Variants in PRR14L observed in about 807,000 individuals in gnomAD.
PRR14L encodes the protein protein PRR14L.
In PRR14L, 80 loss-of-function variants were observed where a neutral mutation model predicts 155.0. The observed-to-expected ratio is 0.52, with a 90% CI of 0.43 to 0.62. PRR14L has a LOEUF of 0.62. Among genes scored for constraint, PRR14L ranks in the 20% least tolerant of loss-of-function variants. PRR14L has a pLI of 0.00. For missense variants in PRR14L, 2,469 were observed against 2,548.0 expected (o/e 0.97, Z 0.67); for synonymous variants, 883 against 916.0 (o/e 0.96, Z 0.65).
chr22:31,724,544 G>T (rs1746376499), intron 3 of PRR14L, among the ~76,000 whole-genome samples: 1 of 151,404 alleles, frequency 6.6e-6, no homozygotes, highest in Non-Finnish European at 1.5e-5. Context: ...GGGACCACAG[G>T]TGTGTGTGCT....
In PRR14L at chr22:31,716,183, T is replaced by G; in HGVS notation, c.1656A>C (p.Glu552Asp). ...ATGCTTCATTTAACTGGGTGTTGCC[T>G]TCCAGATTTCTCTGGATGCTGACTA... is the stretch of plus-strand genomic sequence containing the variant. ...NSLVSIQRNL[E>D]GNTQLNEASC... The change falls in exon 4 of 9, where the codon GAA becomes GAC. Residue 552 changes from glutamate to aspartate, a missense_variant. Physicochemically the swap from Glu to Asp is conservative, Grantham distance 45. Transcript: ENST00000327423. The G allele has an allele frequency of 5.2e-6, 8 of 1,551,538 alleles. No individual in the cohort carries two copies. Among genetic ancestry groups the G allele is most frequent in the Non-Finnish European group, 7.0e-6 (8 of 1,146,916 alleles).
chr22:31,742,938 T>C (rs1057089820), intron 1 of PRR14L, among the ~76,000 whole-genome samples: 5 of 152,144 alleles, frequency 3.3e-5, no homozygotes, highest in Non-Finnish European at 5.9e-5. Flanking sequence ...CTTGAAGACA[T>C]TATGCTAAGT....
rs199831991 is a variant in PRR14L, at chr22:31,719,433, AAG to A, written c.548-2144_548-2143del. On this transcript the variant is annotated intron_variant, in intron 3 of 8. Coordinates refer to ENST00000327423, the MANE Select transcript of PRR14L (RefSeq NM_173566.3). ...TGTCTCAAAAAAAAGAAAAAAAAAA[AAG>A]AACAAAAAATCTAAAATCTAATTCT... Among the ~76,000 whole-genome samples, 725 of 152,152 alleles carry A rather than the reference AAG, an allele frequency of 4.8e-3. 4 individuals carry two copies. The highest frequency in any genetic ancestry group is 0.017 in the African/African-American group (688 of 41,528).
intron 1 of PRR14L, 75 bp from the exon 2 acceptor site, chr22:31,738,986 G>T: frequency 1.6e-6 from 1 of 624,104 alleles, no homozygotes; most frequent in South Asian, 2.5e-5. Context: ...AGTTCAAACC[G>T]GCTACAACGA....
Position 31,715,560 on chromosome 22 carries a change from G to C in PRR14L, c.2279C>G (p.Ser760Ter), listed in dbSNP as rs1304636175. The stretch of plus-strand genomic sequence containing the variant: ...AAAGCCAGCTGCTTCTCTCTTATTT[G>C]AGCGCAGCCTGGAATGTAGAGCTTT... ...GTKALHSRLR[S>*]NKREAAGFPQ... Residue 760 changes from serine to a stop codon, truncating the protein, a stop_gained, in exon 4 of 9, where the codon TCA (serine) becomes TGA (stop). Transcript: ENST00000327423. LOFTEE classifies it high-confidence loss of function. The C allele has an allele frequency of 6.4e-7, 1 of 1,551,948 alleles. No individual in the cohort carries two copies. Among genetic ancestry groups the C allele is most frequent in the Non-Finnish European group, 8.7e-7 (1 of 1,147,072 alleles).
chr22:31,742,951 A>G (rs1429472965), intron 1 of PRR14L, among the ~76,000 whole-genome samples: 3 of 152,238 alleles, frequency 2.0e-5, no homozygotes, highest in African/African-American at 7.2e-5. Flanking sequence ...TGCTAAGTGA[A>G]AGAAGCCAGT....
At chr22:31,693,438 A>G (rs559157407) in intron 7 of PRR14L, among the ~76,000 whole-genome samples, 1 of 152,196 alleles carries the variant, frequency 6.6e-6, no homozygotes, top group Non-Finnish European at 1.5e-5. Flanking sequence ...GTACTGAGTA[A>G]TATTCCATTG....
At position 31,703,778 on chromosome 22, in the gene PRR14L, A is replaced by G. The variant is rs150826735; in HGVS notation, c.5829-57T>C. 12 of 1,084,530 alleles carry G rather than the reference A, an allele frequency of 1.1e-5. No individual in the cohort carries two copies. The African/African-American group carries it at 1.3e-4, about 12-fold the overall frequency. 67.2% of individuals were successfully genotyped at this position (1,084,530 alleles called of 1,614,324 possible). ...GGGGTTCCCTTTCTACTTCCAGCAC[A>G]TTCAACTTCTTCTTCTTCATTTTTT... On this transcript the variant is annotated intron_variant, in intron 5 of 8. Transcript: ENST00000327423.
At position 31,717,571 on chromosome 22, in the gene PRR14L, T is replaced by C. The variant is rs1235882510; in HGVS notation, c.548-280A>G. Among the ~76,000 whole-genome samples the C allele has an allele frequency of 1.2e-4, 18 of 152,178 alleles. No individual in the cohort carries two copies. In the South Asian group the frequency reaches 3.3e-3, roughly 28 times the overall value. On this transcript the variant is annotated intron_variant, in intron 3 of 8. Transcript: ENST00000327423. ...CAATGCTGGACAACTGAATACAACA[T>C]AGAAATATGTTCCTATGTTGTATTC...
rs189232204 is a variant in PRR14L, at chr22:31,741,322, C to T, written c.-51-2411G>A. Among the ~76,000 whole-genome samples the T allele has an allele frequency of 4.3e-4, 64 of 149,506 alleles. No homozygotes were observed. In the East Asian group the frequency reaches 0.011, roughly 26 times the overall value. On this transcript the variant is annotated intron_variant, in intron 1 of 8. Transcript: ENST00000327423. ...ACTAAAAATACCAAAATTAGCCAGG[C>T]GTGGTGGCAGGCTCCTGTAATCCCA... is the stretch of plus-strand genomic sequence containing the variant.
chr22:31,742,146 T>C (rs981470119), intron 1 of PRR14L, among the ~76,000 whole-genome samples: 1 of 152,154 alleles, frequency 6.6e-6, no homozygotes, highest in African/African-American at 2.4e-5. Flanking sequence ...CACATACAGA[T>C]TTGAAGAGTA....
rs182769410 is a variant in PRR14L, at chr22:31,715,207, C to T, written c.2632G>A (p.Ala878Thr). Residue 878 changes from alanine to threonine, a missense_variant, in exon 4 of 9, where the codon GCA (alanine) becomes ACA (threonine). By Grantham distance (58) the Ala-to-Thr change is moderately conservative. Coordinates refer to ENST00000327423, the MANE Select transcript of PRR14L (RefSeq NM_173566.3). ...GAAATTCCACTATTTAACAAGCCTG[C>T]TACCATTTTGTTTCTGATCTTATCT... ...PGDKIRNKMV[A>T]GLLNSGISNK... 371 of 1,552,198 alleles carry T rather than the reference C, an allele frequency of 2.4e-4. No individual in the cohort carries two copies. Among genetic ancestry groups the T allele is most frequent in the Non-Finnish European group, 1.2e-4 (143 of 1,147,118 alleles).
Position 31,715,147 on chromosome 22 carries a change from G to C in PRR14L, c.2692C>G (p.Leu898Val), listed in dbSNP as rs749202743. ...KTIHTSSSIK[L>V]SEEGLEGKEQ... ...TTTCCTTCCAGCCCTTCCTCACTGA[G>C]TTTGATGCTACTGGAGGTGTGAATG... The change falls in exon 4 of 9, where the codon CTC (leucine) becomes GTC (valine). Residue 898 changes from leucine to valine, a missense_variant. Leu to Val is a conservative substitution (Grantham distance 32). Coordinates refer to ENST00000327423, the MANE Select transcript of PRR14L (RefSeq NM_173566.3). The C allele has an allele frequency of 2.3e-5, 35 of 1,551,806 alleles. No individual in the cohort carries two copies. The South Asian group carries it at 3.4e-4, about 15-fold the overall frequency.
intron 3 of PRR14L, among the ~76,000 whole-genome samples, chr22:31,721,714 G>A (rs959110536): frequency 1.3e-5 from 2 of 152,102 alleles, no homozygotes; most frequent in East Asian, 3.8e-4. Flanking sequence ...CTACCATACA[G>A]AAAAGACAAA....
chr22:31,731,743 GTTTAGAAATGGCTAAGT>G (rs2074751469), intron 2 of PRR14L, among the ~76,000 whole-genome samples: 1 of 151,900 alleles, frequency 6.6e-6, no homozygotes, highest in African/African-American at 2.4e-5. Flanking sequence ...TAGGCATTTT[GTTTAGAAATGGCTAAGT>G]CCTACCCCTG....
chr22:31,742,345 TGAG>T (rs1297382073), intron 1 of PRR14L, among the ~76,000 whole-genome samples: 1 of 150,906 alleles, frequency 6.6e-6, no homozygotes, highest in Non-Finnish European at 1.5e-5. Context: ...GCCTCTGTAA[TGAG>T]GATGACTCAA....
At chr22:31,697,567 C>T (rs1464510363) in intron 7 of PRR14L, among the ~76,000 whole-genome samples, 1 of 151,988 alleles carries the variant, frequency 6.6e-6, no homozygotes, top group Non-Finnish European at 1.5e-5. Context: ...AGAAAAGTTC[C>T]ACTCAACATA....
intron 5 of PRR14L, 74 bp from the exon 6 acceptor site, chr22:31,703,795 TCA>T (rs1601497811): frequency 4.4e-6 from 4 of 910,302 alleles, no homozygotes; most frequent in Non-Finnish European, 6.1e-6. Context: ...TTCTTCTTCT[TCA>T]TTTTTTTTTT....
At chr22:31,749,256 C>T (rs576936225) in intron 1 of PRR14L, among the ~76,000 whole-genome samples, 1 of 152,262 alleles carries the variant, frequency 6.6e-6, no homozygotes, top group Admixed American at 6.5e-5. Context: ...AACGATTACA[C>T]TCCAAAAGCC....
Sources: allele counts gnomAD v4.1 joint callset (sites outside exome capture counted in the v4.1 genomes callset), GRCh38; gene constraint gnomAD v4.1.1; transcripts MANE v1.5; gene names NCBI Gene and HGNC (gene_info 2026-07-23, HGNC 2026-07-21).